PLCL1: variants seen among roughly 807,000 people sequenced by gnomAD.
PLCL1 encodes phospholipase C like 1 (inactive).
Under a neutral mutation model 84.4 loss-of-function variants are expected in PLCL1, and 41 were observed. That is an observed-to-expected ratio of 0.49 (90% CI 0.38 to 0.63). The LOEUF is 0.63. Ranked by LOEUF, PLCL1 falls within the 30% of genes least tolerant of loss-of-function variation. PLCL1 has a pLI of 0.00. For missense variants in PLCL1, 1,206 were observed against 1,367.8 expected (o/e 0.88, Z 1.87); for synonymous variants, 490 against 488.3 (o/e 1.00, Z -0.05).
At chr2:198,073,814 A>C (rs1472805442) in intron 1 of PLCL1, among the ~76,000 whole-genome samples, 1 of 152,198 alleles carries the variant, frequency 6.6e-6, no homozygotes, top group Non-Finnish European at 1.5e-5. Flanking sequence ...TATATACACC[A>C]ATTTATTAAA....
intron 1 of PLCL1, among the ~76,000 whole-genome samples, chr2:197,823,420 T>C (rs1053282803): frequency 3.3e-5 from 5 of 152,042 alleles, no homozygotes; most frequent in African/African-American, 7.2e-5. Flanking sequence ...TCATGTAGAG[T>C]GCTTACCTAA....
chr2:197,934,610 T>G (rs2105768515), intron 1 of PLCL1, among the ~76,000 whole-genome samples: 1 of 152,316 alleles, frequency 6.6e-6, no homozygotes, highest in South Asian at 2.1e-4. Context: ...ATAAGTTTTT[T>G]TTTCTTCGTT....
In PLCL1 at chr2:197,897,206, T is replaced by TTCTTCC. The variant is rs1688168799; in HGVS notation, c.240+91872_240+91873insCTCTTC. ...TTCTTCTTCTCCTTCTCCTTCTTCT[T>TTCTTCC]TCTTCTTCCTCTTCTTCCTCTTCTT... On this transcript the variant is annotated intron_variant, in intron 1 of 5. Coordinates refer to ENST00000428675, the MANE Select transcript of PLCL1 (RefSeq NM_006226.4). 2.8e-5 allele frequency among the ~76,000 whole-genome samples: 2 copies of TTCTTCC among 71,804 alleles called. 1 individual carries two copies. Among genetic ancestry groups the TTCTTCC allele is most frequent in the Middle Eastern group, 0.013 (2 of 150 alleles). 47.1% of individuals were successfully genotyped at this position (71,804 alleles called of 152,430 possible). A position where few individuals can be genotyped will look rare whatever the true frequency, so the allele number is the denominator to read the frequency against.
At chr2:197,869,486 C>A (rs768121425) in intron 1 of PLCL1, among the ~76,000 whole-genome samples, 16 of 151,950 alleles carry the variant, frequency 1.1e-4, no homozygotes, top group Non-Finnish European at 2.2e-4. Context: ...TCTAATAATA[C>A]TATTTCTGGC....
At position 198,146,919 on chromosome 2, in the gene PLCL1, C is replaced by T. The variant is rs375011962; in HGVS notation, c.3245C>T (p.Ala1082Val). The change falls in exon 6 of 6, where the codon GCC becomes GTC. Residue 1082 changes from alanine (A) to valine (V), a missense_variant. Ala to Val is a moderately conservative substitution (Grantham distance 64). Coordinates refer to ENST00000428675, the MANE Select transcript of PLCL1 (RefSeq NM_006226.4). ...AEAKSKRSLE[A>V]IEEKESSEEN... ...GCCAAGAGCAAGCGCAGCCTGGAAG[C>T]CATAGAGGAGAAGGAAAGTAGTGAG... 97 of 1,612,442 alleles carry T rather than the reference C, an allele frequency of 6.0e-5. No individual in the cohort carries two copies. In the Admixed American group the frequency reaches 1.6e-3, roughly 27 times the overall value.
At chr2:197,922,379 C>A (rs1688719535) in intron 1 of PLCL1, among the ~76,000 whole-genome samples, 2 of 101,454 alleles carry the variant, frequency 2.0e-5, no homozygotes, top group East Asian at 6.7e-4. Context: ...TTTCTTAGTG[C>A]AGAACAAAAT....
At position 198,084,715 on chromosome 2, in the gene PLCL1, ATG is replaced by A; in HGVS notation, c.1199_1200del (p.Met400AsnfsTer14). 6.2e-7 allele frequency: 1 copy of A among 1,614,134 alleles called. No homozygotes were observed. The highest frequency in any genetic ancestry group is 8.5e-7 in the Non-Finnish European group (1 of 1,179,986). ...TGAGCAAAAGAAGGTTGCCCAAGAT[ATG>A]ACCCAGCCATTATCTCACTACTATA... ...DPEQKKVAQD[M>X]TQPLSHYYIN... On this transcript the variant is annotated frameshift_variant, in exon 2 of 6. Transcript: ENST00000428675. LOFTEE classifies it high-confidence loss of function.
intron 1 of PLCL1, among the ~76,000 whole-genome samples, chr2:197,817,312 G>A (rs998539753): frequency 6.6e-6 from 1 of 152,028 alleles, no homozygotes; most frequent in African/African-American, 2.4e-5. Context: ...TGTTTATTTA[G>A]TGTGGGAACA....
intron 1 of PLCL1, among the ~76,000 whole-genome samples, chr2:197,840,385 A>G (rs1459455755): frequency 6.6e-6 from 1 of 152,154 alleles, no homozygotes; most frequent in East Asian, 1.9e-4. Flanking sequence ...TAATTTTAAT[A>G]TTGTCAGTTT....
intron 1 of PLCL1, among the ~76,000 whole-genome samples, chr2:197,850,276 C>A (rs1687209615): frequency 6.6e-6 from 1 of 152,142 alleles, no homozygotes; most frequent in Non-Finnish European, 1.5e-5. Context: ...TCTGTCTCAC[C>A]CCACCATTTC....
At chr2:197,966,538 T>G (rs1015728178) in intron 1 of PLCL1, among the ~76,000 whole-genome samples, 12 of 152,092 alleles carry the variant, frequency 7.9e-5, no homozygotes, top group African/African-American at 1.4e-4. Context: ...TGAGTTTCAG[T>G]GTAAAGTCTA....
intron 1 of PLCL1, among the ~76,000 whole-genome samples, chr2:197,959,914 A>G (rs73056883): frequency 0.18 from 27,421 of 151,928 alleles, 2,547 homozygotes; most frequent in East Asian, 0.26. Flanking sequence ...GAGCTCTTGT[A>G]GGCGTTTAAG....
At chr2:198,069,521 A>G (rs1339044472) in intron 1 of PLCL1, among the ~76,000 whole-genome samples, 1 of 152,162 alleles carries the variant, frequency 6.6e-6, no homozygotes, top group African/African-American at 2.4e-5. Flanking sequence ...TTGAGTGTTA[A>G]TATTTCACCT....
chr2:197,960,418 C>G (rs1417562337), intron 1 of PLCL1, among the ~76,000 whole-genome samples: 1 of 152,120 alleles, frequency 6.6e-6, no homozygotes, highest in Non-Finnish European at 1.5e-5. Flanking sequence ...AGCCTCATTA[C>G]TTCCCCACTT....
intron 1 of PLCL1, among the ~76,000 whole-genome samples, chr2:198,041,907 C>T (rs771414279): frequency 6.6e-6 from 1 of 152,102 alleles, no homozygotes; most frequent in Non-Finnish European, 1.5e-5. Context: ...AATCGGTATG[C>T]AAGAGAAACA....
intron 1 of PLCL1, among the ~76,000 whole-genome samples, chr2:197,916,822 C>T (rs957221956): frequency 7.2e-5 from 11 of 152,148 alleles, no homozygotes; most frequent in Non-Finnish European, 1.5e-5. Flanking sequence ...AGATACCTCA[C>T]TAAAAATATA....
Position 198,088,897 on chromosome 2 carries a change from C to G in PLCL1, c.2755C>G (p.Pro919Ala). 1.9e-6 allele frequency: 3 copies of G among 1,613,050 alleles called. No individual in the cohort carries two copies. The South Asian group carries it at 3.3e-5, about 18-fold the overall frequency. The change falls in exon 3 of 6, where the codon CCA becomes GCA. Residue 919 changes from proline to alanine, a missense_variant. Coordinates refer to ENST00000428675, the MANE Select transcript of PLCL1 (RefSeq NM_006226.4). Reference protein sequence around the residue: ...VSIKELCGLPPIASLKQCLLT... With the variant: ...VSIKELCGLPAIASLKQCLLT... Reference sequence around the variant, plus strand: ...TATTAAGGAACTATGTGGACTCCCTCCAATTGCCAGTCTGAAGCAGTGCCT... The same window carrying G: ...TATTAAGGAACTATGTGGACTCCCTGCAATTGCCAGTCTGAAGCAGTGCCT...
chr2:198,132,927 G>A (rs926751496), intron 5 of PLCL1, among the ~76,000 whole-genome samples: 1 of 151,696 alleles, frequency 6.6e-6, no homozygotes, highest in African/African-American at 2.4e-5. Context: ...GAATGGTAAT[G>A]CCTAGGTTTT....
chr2:197,911,364 T>TA (rs1330538909), intron 1 of PLCL1, among the ~76,000 whole-genome samples: 27 of 151,768 alleles, frequency 1.8e-4, no homozygotes, highest in Non-Finnish European at 3.5e-4. Flanking sequence ...ATAAATAAAA[T>TA]AAAAAATAAA....
Sources: gnomAD v4.1 joint callset for allele counts (sites outside exome capture counted in the v4.1 genomes callset) on GRCh38, gnomAD v4.1.1 for gene constraint, MANE v1.5 for transcripts, NCBI Gene and HGNC (gene_info 2026-07-23, HGNC 2026-07-21) for gene names.